PUS7: variants seen among roughly 807,000 people sequenced by gnomAD.
PUS7 encodes pseudouridine synthase 7.
A neutral mutation model predicts 79.8 loss-of-function variants in PUS7; 48 were observed. That is an observed-to-expected ratio of 0.60 (90% CI 0.48 to 0.76). PUS7 has a LOEUF of 0.76. Ranked by LOEUF, PUS7 falls within the 30% of genes least tolerant of loss-of-function variation. PUS7 has a pLI of 0.00. For synonymous variants in PUS7, 286 were observed against 272.2 expected, an observed-to-expected ratio of 1.05 and a Z score of -0.50; for missense variants, 729 against 797.6, an observed-to-expected ratio of 0.91 and a Z score of 1.04.
intron 12 of PUS7, among the ~76,000 whole-genome samples, chr7:105,465,710 G>A (rs1205030729): frequency 6.6e-6 from 1 of 152,148 alleles, no homozygotes; most frequent in Non-Finnish European, 1.5e-5. Context: ...GCGCATGCCT[G>A]TAATCCCAGC....
chr7:105,472,844 C>A (rs1044743226), intron 9 of PUS7, among the ~76,000 whole-genome samples: 3 of 151,708 alleles, frequency 2.0e-5, no homozygotes, highest in African/African-American at 2.4e-5. Context: ...ACCTCTGCCT[C>A]CCGGTTTCAC....
At chr7:105,499,878 G>A (rs930727877) in intron 5 of PUS7, among the ~76,000 whole-genome samples, 6 of 152,178 alleles carry the variant, frequency 3.9e-5, no homozygotes, top group African/African-American at 1.4e-4. Flanking sequence ...TAGGCAAGAT[G>A]GCTCAGGAGG....
intron 9 of PUS7, 79 bp from the exon 10 acceptor site, chr7:105,472,272 CA>C (rs921282857): frequency 1.2e-6 from 1 of 858,250 alleles, no homozygotes; most frequent in Non-Finnish European, 1.9e-6. Flanking sequence ...GAAGAGTCAA[CA>C]AATCATATTA....
At chr7:105,520,015 C>T (rs1006056006) in intron 1 of PUS7, among the ~76,000 whole-genome samples, 2 of 152,196 alleles carry the variant, frequency 1.3e-5, no homozygotes, top group Non-Finnish European at 2.9e-5. Flanking sequence ...CATGCATGCC[C>T]CTGCCTCTAT....
At chr7:105,485,441 C>G (rs1474286571) in intron 7 of PUS7, among the ~76,000 whole-genome samples, 1 of 152,170 alleles carries the variant, frequency 6.6e-6, no homozygotes, top group Non-Finnish European at 1.5e-5. Flanking sequence ...AACTCCTGAC[C>G]TCAGGTGATC....
At chr7:105,493,459 T>TCTCCCAGTGCTA (rs1824878576) in intron 6 of PUS7, among the ~76,000 whole-genome samples, 1 of 152,222 alleles carries the variant, frequency 6.6e-6, no homozygotes, top group Non-Finnish European at 1.5e-5. Context: ...GCACAGACTC[T>TCTCCCAGTGCTA]CTCCCAGGGA....
At chr7:105,504,382 C>G (rs1338137644) in intron 4 of PUS7, among the ~76,000 whole-genome samples, 2 of 150,374 alleles carry the variant, frequency 1.3e-5, no homozygotes, top group Non-Finnish European at 3.0e-5. Flanking sequence ...CTTAATGATA[C>G]TTCAACAAAA....
At chr7:105,516,195 T>C (rs770030196) in intron 1 of PUS7, among the ~76,000 whole-genome samples, 35 of 152,252 alleles carry the variant, frequency 2.3e-4, no homozygotes, top group Non-Finnish European at 3.8e-4. Context: ...TCCACCCACA[T>C]TGGCCTCCCA....
At chr7:105,481,211 G>C in intron 8 of PUS7, 34 bp from the exon 9 acceptor site, 1 of 1,588,424 alleles carries the variant, frequency 6.3e-7, no homozygotes, top group Non-Finnish European at 8.6e-7. Flanking sequence ...AGGAAAAAAA[G>C]TTACAGTCAA....
intron 6 of PUS7, among the ~76,000 whole-genome samples, chr7:105,494,676 G>C (rs1316963644): frequency 6.6e-6 from 1 of 151,856 alleles, no homozygotes; most frequent in Non-Finnish European, 1.5e-5. Flanking sequence ...CCAAAGTGCT[G>C]GAATTACAGG....
At chr7:105,475,850 C>T (rs937364488) in intron 9 of PUS7, among the ~76,000 whole-genome samples, 1 of 152,104 alleles carries the variant, frequency 6.6e-6, no homozygotes, top group Non-Finnish European at 1.5e-5. Context: ...AATCCCTATC[C>T]ACCCAGCCCC....
At chr7:105,502,840 C>T (rs1183781418) in intron 4 of PUS7, among the ~76,000 whole-genome samples, 1 of 152,204 alleles carries the variant, frequency 6.6e-6, no homozygotes, top group Non-Finnish European at 1.5e-5. Context: ...GCTGGGATTA[C>T]AGGCTCACAA....
Position 105,459,331 on chromosome 7 carries a change from T to C in PUS7, c.1758-72A>G, listed in dbSNP as rs1410560573. 4 of 909,812 alleles carry C rather than the reference T, an allele frequency of 4.4e-6. No individual in the cohort carries two copies. In the African/African-American group the frequency reaches 5.1e-5, roughly 12 times the overall value. 56.4% of individuals were successfully genotyped at this position (909,812 alleles called of 1,614,324 possible). A position where few individuals can be genotyped will look rare whatever the true frequency, so the allele number is the denominator to read the frequency against. Reference sequence around the variant, plus strand: ...AAAGGTACTAAGCCACTCATCATCATTTATTTAGCAAGAAAAACAAGTAAG... The same window carrying C: ...AAAGGTACTAAGCCACTCATCATCACTTATTTAGCAAGAAAAACAAGTAAG... On this transcript the variant is annotated intron_variant, in intron 14 of 15. Coordinates refer to ENST00000469408, the MANE Select transcript of PUS7 (RefSeq NM_019042.5).
chr7:105,516,941 A>G (rs551060178), intron 1 of PUS7, among the ~76,000 whole-genome samples: 10 of 152,248 alleles, frequency 6.6e-5, no homozygotes, highest in African/African-American at 2.2e-4. Flanking sequence ...GAAGATATAA[A>G]GTTACTAGAT....
intron 9 of PUS7, among the ~76,000 whole-genome samples, chr7:105,472,664 G>A (rs186732940): frequency 1.3e-4 from 20 of 152,206 alleles, no homozygotes; most frequent in Admixed American, 7.9e-4. Flanking sequence ...ATGCTTACCC[G>A]TAACATTTAC....
chr7:105,491,482 C>G, intron 7 of PUS7, 58 bp downstream of exon 7: 1 of 1,135,898 alleles, frequency 8.8e-7, no homozygotes. Context: ...TTTGAGAATT[C>G]TGAAAAGCAG....
In PUS7 at chr7:105,481,107, A is replaced by C. The variant is rs1824301938; in HGVS notation, c.1120T>G (p.Tyr374Asp). Residue 374 changes from tyrosine (Y) to aspartate (D), a missense_variant, in exon 9 of 16, where the codon TAC becomes GAC. Coordinates refer to ENST00000469408, the MANE Select transcript of PUS7 (RefSeq NM_019042.5). ...NSLKEIGFINYYGMQRFGTTA... is the reference protein window; with the variant it reads ...NSLKEIGFINDYGMQRFGTTA... ...GTTCCAAATCTTTGCATTCCATAGT[A>C]GTTAATAAATCCAATCTCCTTGAGA... 1 of 1,612,874 alleles carries C rather than the reference A, an allele frequency of 6.2e-7. No individual in the cohort carries two copies. The highest frequency in any genetic ancestry group is 8.5e-7 in the Non-Finnish European group (1 of 1,179,226).
chr7:105,501,969 A>AAAT (rs1825271650), intron 5 of PUS7, among the ~76,000 whole-genome samples: 1 of 73,714 alleles, frequency 1.4e-5, no homozygotes, highest in African/African-American at 4.7e-5. Context: ...AAAAAAAAAA[A>AAAT]ATATATATAT....
At position 105,496,322 on chromosome 7, in the gene PUS7, G is replaced by A. The variant is rs565976257; in HGVS notation, c.731-1069C>T. On this transcript the variant is annotated intron_variant, in intron 5 of 15. Coordinates refer to ENST00000469408, the MANE Select transcript of PUS7 (RefSeq NM_019042.5). ...AAAATGTTTTTTTTTAAGTACTTTG[G>A]GAAAAATATGTAAGCCTAAACTGCA... Among the ~76,000 whole-genome samples the A allele has an allele frequency of 4.1e-3, 604 of 148,020 alleles. 4 individuals carry two copies. The highest frequency in any genetic ancestry group is 6.8e-3 in the Admixed American group (100 of 14,650).
Sources: allele counts gnomAD v4.1 joint callset (sites outside exome capture counted in the v4.1 genomes callset), GRCh38; gene constraint gnomAD v4.1.1; transcripts MANE v1.5; gene names NCBI Gene and HGNC (gene_info 2026-07-23, HGNC 2026-07-21).